The following RHBDD1 variants were observed in gnomAD, a reference collection of about 807,000 sequenced individuals.
RHBDD1 encodes the protein rhomboid-related protein 4.
In RHBDD1, 38 loss-of-function variants were observed where a neutral mutation model predicts 36.3. The ratio of observed to expected loss-of-function variants is 1.05; its 90% confidence interval spans 0.81 to 1.37. The LOEUF (loss-of-function observed/expected upper bound fraction) is 1.37. Ranked by LOEUF, RHBDD1 falls within the 40% of genes most tolerant of loss-of-function variation. The pLI is 0.00. For synonymous variants in RHBDD1, 151 were observed against 136.5 expected, an observed-to-expected ratio of 1.11 and a Z score of -0.74; for missense variants, 393 against 377.6, an observed-to-expected ratio of 1.04 and a Z score of -0.34.
intron 3 of RHBDD1, among the ~76,000 whole-genome samples, chr2:226,857,907 T>G (rs1016755156): frequency 6.6e-6 from 1 of 152,198 alleles, no homozygotes; most frequent in Non-Finnish European, 1.5e-5. Context: ...TCCTTAAGAT[T>G]GAATTTTATG....
chr2:226,950,018 A>T (rs778433894), intron 8 of RHBDD1, among the ~76,000 whole-genome samples: 1 of 152,250 alleles, frequency 6.6e-6, no homozygotes, highest in Non-Finnish European at 1.5e-5. Context: ...ATGGCTAAAC[A>T]ACCTAATTAA....
intron 8 of RHBDD1, among the ~76,000 whole-genome samples, chr2:226,952,328 G>T (rs1455815704): frequency 7.0e-6 from 1 of 141,990 alleles, no homozygotes; most frequent in African/African-American, 2.6e-5. Context: ...GAAAGAGTCT[G>T]GCTGTGTCAT....
rs554561359 is a variant in RHBDD1, at chr2:226,875,112, CT to C, written c.566+7796del. Among the ~76,000 whole-genome samples, 539 of 152,230 alleles carry C rather than the reference CT, an allele frequency of 3.5e-3. 2 individuals are homozygous for C. Among genetic ancestry groups the C allele is most frequent in the Non-Finnish European group, 5.3e-3 (359 of 67,992 alleles). On this transcript the variant is annotated intron_variant, in intron 5 of 8. Coordinates refer to ENST00000392062, the MANE Select transcript of RHBDD1 (RefSeq NM_001167608.3). ...TTTCACTTTCTTTCTAGGCTATGAGCTTCTTTAGGGGCTGTTTCTTGTTTAC... is the reference window on the plus strand; with the variant it reads ...TTTCACTTTCTTTCTAGGCTATGAGCTCTTTAGGGGCTGTTTCTTGTTTAC...
intron 2 of RHBDD1, among the ~76,000 whole-genome samples, chr2:226,838,358 A>G (rs1574720691): frequency 6.6e-6 from 1 of 152,228 alleles, no homozygotes; most frequent in African/African-American, 2.4e-5. Flanking sequence ...AAGGCATTAA[A>G]TATTTTTTTT....
intron 8 of RHBDD1, among the ~76,000 whole-genome samples, chr2:226,928,351 C>A (rs551573931): frequency 6.1e-4 from 93 of 151,980 alleles, no homozygotes; most frequent in Non-Finnish European, 1.1e-3. Flanking sequence ...TAAAAGGAAT[C>A]CACAAAACCA....
chr2:226,837,851 T>TA (rs1941143079), intron 1 of RHBDD1: 1 of 152,196 alleles, frequency 6.6e-6, no homozygotes, highest in African/African-American at 2.4e-5. Flanking sequence ...AAGCACTAGT[T>TA]TTAGAGTTGA....
chr2:226,957,971 T>G (rs1446240431), intron 8 of RHBDD1, among the ~76,000 whole-genome samples: 1 of 152,100 alleles, frequency 6.6e-6, no homozygotes, highest in Non-Finnish European at 1.5e-5. Flanking sequence ...ATAGCTGCTT[T>G]GGACAATAGT....
intron 8 of RHBDD1, among the ~76,000 whole-genome samples, chr2:226,926,223 T>TAA (rs35951338): frequency 4.7e-5 from 6 of 126,716 alleles, no homozygotes; most frequent in African/African-American, 1.4e-4. Flanking sequence ...ACTAAGTAAA[T>TAA]AAAAAAAAAA....
chr2:226,849,710 CCTATAT>C lies in RHBDD1; in HGVS notation c.-91+10096_-91+10101del, dbSNP rs150333219. Among the ~76,000 whole-genome samples, 969 of 152,318 alleles carry C rather than the reference CCTATAT, an allele frequency of 6.4e-3. 8 individuals carry two copies. The highest frequency in any genetic ancestry group is 0.022 in the African/African-American group (932 of 41,570). ...GGCATAACACTGAATCATATCTATG[CCTATAT>C]CTATATCTATATAATCTGTATCTAT... On this transcript the variant is annotated intron_variant, in intron 3 of 8. Transcript: ENST00000392062.
intron 3 of RHBDD1, among the ~76,000 whole-genome samples, chr2:226,848,950 T>A (rs533856156): frequency 6.6e-6 from 1 of 152,352 alleles, no homozygotes; most frequent in Admixed American, 6.5e-5. Context: ...TATGTCACTT[T>A]GGCTCGTGGT....
At chr2:226,843,030 A>G (rs1941841388) in intron 3 of RHBDD1, among the ~76,000 whole-genome samples, 2 of 151,960 alleles carry the variant, frequency 1.3e-5, no homozygotes, top group African/African-American at 4.8e-5. Flanking sequence ...TTCTTTTTGT[A>G]GCAGTTGTGA....
Position 226,914,119 on chromosome 2 carries a change from C to G in RHBDD1, c.713-89C>G, listed in dbSNP as rs1948722958. The G allele has an allele frequency of 4.4e-6, 5 of 1,144,104 alleles. No individual in the cohort carries two copies. The African/African-American group carries it at 4.7e-5, about 11-fold the overall frequency. The allele number at this position is 1,144,104 out of a possible 1,614,324, so 70.9% of individuals were successfully genotyped here. ...TATTATACCTAAAATAATGTTATGC[C>G]TTACTCGCTTGTCTTTGCTTATACA... is the stretch of plus-strand genomic sequence containing the variant. On this transcript the variant is annotated intron_variant, in intron 7 of 8. Transcript: ENST00000392062.
At chr2:226,948,684 T>C (rs1011210212) in intron 8 of RHBDD1, among the ~76,000 whole-genome samples, 3 of 151,110 alleles carry the variant, frequency 2.0e-5, no homozygotes, top group Non-Finnish European at 4.4e-5. Context: ...ACTGCCAATA[T>C]CATACTTAAT....
At chr2:226,866,211 CA>C (rs1224416689) in intron 4 of RHBDD1, among the ~76,000 whole-genome samples, 2 of 152,032 alleles carry the variant, frequency 1.3e-5, no homozygotes, top group African/African-American at 4.8e-5. Context: ...GCTGGGACTA[CA>C]AGGCACGCAC....
the RHBDD1 span, among the ~76,000 whole-genome samples, chr2:226,802,304 A>G: frequency 6.6e-6 from 1 of 152,254 alleles, no homozygotes; most frequent in African/African-American, 2.4e-5. Flanking sequence ...AATTATGTTC[A>G]GACCAATGGG....
At chr2:226,963,065 G>A (rs879488597) in intron 8 of RHBDD1, among the ~76,000 whole-genome samples, 5 of 152,052 alleles carry the variant, frequency 3.3e-5, no homozygotes, top group South Asian at 2.1e-4. Context: ...CCCACTAGAC[G>A]CAAGCGCACC....
intron 8 of RHBDD1, among the ~76,000 whole-genome samples, chr2:226,983,564 A>C (rs1210306096): frequency 1.3e-5 from 2 of 152,148 alleles, no homozygotes; most frequent in East Asian, 3.8e-4. Context: ...GGTTGTTCTC[A>C]GCAGAAGTTG....
chr2:226,853,314 C>G (rs1374680012), intron 3 of RHBDD1, among the ~76,000 whole-genome samples: 2 of 152,198 alleles, frequency 1.3e-5, no homozygotes, highest in Admixed American at 6.5e-5. Flanking sequence ...TGAACTATTT[C>G]CTGGCATGCC....
At chr2:226,841,456 C>G (rs995121880) in intron 3 of RHBDD1, among the ~76,000 whole-genome samples, 1 of 152,196 alleles carries the variant, frequency 6.6e-6, no homozygotes, top group African/African-American at 2.4e-5. Context: ...TCCCTGCCTA[C>G]CACACCTCCC....
Sources: allele counts gnomAD v4.1 joint callset (sites outside exome capture counted in the v4.1 genomes callset), GRCh38; gene constraint gnomAD v4.1.1; transcripts MANE v1.5; gene names NCBI Gene and HGNC (gene_info 2026-07-23, HGNC 2026-07-21).